ETV5: variants seen among roughly 807,000 people sequenced by gnomAD.
The protein encoded by ETV5 is ETS variant transcription factor 5.
A neutral mutation model predicts 70.0 loss-of-function variants in ETV5; 10 were observed. That is an observed-to-expected ratio of 0.14 (90% CI 0.09 to 0.24). The LOEUF (loss-of-function observed/expected upper bound fraction) is 0.24. Among genes scored for constraint, ETV5 ranks in the 10% least tolerant of loss-of-function variants. ETV5 has a pLI of 1.00. For missense variants in ETV5, 453 were observed against 651.2 expected, an observed-to-expected ratio of 0.70 and a Z score of 3.31; for synonymous variants, 216 against 242.2, an observed-to-expected ratio of 0.89 and a Z score of 1.01.
rs1323672401 is a variant in ETV5, at chr3:186,054,466, A to G, written c.1210-2335T>C. ...AACAAACAACCCTACCCCCCAAAATATTCATTAATGCAGATTCACAGTTAA... is the reference window on the plus strand; with the variant it reads ...AACAAACAACCCTACCCCCCAAAATGTTCATTAATGCAGATTCACAGTTAA... On this transcript the variant is annotated intron_variant, in intron 11 of 12. Transcript: ENST00000306376. This position sits in a 1 kb window ranked among gnomAD's most constrained non-coding sequence, Gnocchi z 4.4. Among the ~76,000 whole-genome samples, 1 of 152,084 alleles carries G rather than the reference A, an allele frequency of 6.6e-6. No homozygotes were observed. Among genetic ancestry groups the G allele is most frequent in the Non-Finnish European group, 1.5e-5 (1 of 68,020 alleles).
chr3:186,056,788 G>C (rs1713172988), intron 11 of ETV5, among the ~76,000 whole-genome samples: 1 of 152,232 alleles, frequency 6.6e-6, no homozygotes. Flanking sequence ...TTCCAAGAGG[G>C]AGAGCATATC....
intron 7 of ETV5, among the ~76,000 whole-genome samples, chr3:186,068,999 T>A (rs918552737): frequency 6.6e-6 from 1 of 152,230 alleles, no homozygotes; most frequent in Non-Finnish European, 1.5e-5. Context: ...AATTCTTGAA[T>A]AGCTTTAATA....
Position 186,081,639 on chromosome 3 carries a change from T to C in ETV5, c.233-464A>G, listed in dbSNP as rs535064611. On this transcript the variant is annotated intron_variant, in intron 5 of 12. Coordinates refer to ENST00000306376, the MANE Select transcript of ETV5 (RefSeq NM_004454.3). ...CAAATATATTTCTTATTCAGATGCA[T>C]ATTTACAAATTAAATATAGAATTTT... Among the ~76,000 whole-genome samples the C allele has an allele frequency of 7.2e-5, 11 of 152,366 alleles. No homozygotes were observed. In the South Asian group the frequency reaches 2.3e-3, roughly 32 times the overall value.
rs771160549 is a variant in ETV5, at chr3:186,105,144, T to C, written c.232+161A>G. 2.0e-5 allele frequency: 11 copies of C among 554,680 alleles called. No individual in the cohort carries two copies. The Admixed American group carries it at 2.2e-4, about 11-fold the overall frequency. The allele number at this position is 554,680 out of a possible 1,614,324, so 34.4% of individuals were successfully genotyped here. A position where few individuals can be genotyped will look rare whatever the true frequency, so the allele number is the denominator to read the frequency against. Reference sequence around the variant, plus strand: ...AAATACTTTAGAAATAATTTTATTATGAAATAAAAGTTTTCAGGGTTAATT... The same window carrying C: ...AAATACTTTAGAAATAATTTTATTACGAAATAAAAGTTTTCAGGGTTAATT... On this transcript the variant is annotated intron_variant, in intron 5 of 12. Coordinates refer to ENST00000306376, the MANE Select transcript of ETV5 (RefSeq NM_004454.3). This position sits in a 1 kb window ranked among gnomAD's most constrained non-coding sequence, Gnocchi z 4.5.
At chr3:186,102,126 AC>A (rs1714474090) in intron 5 of ETV5, among the ~76,000 whole-genome samples, 1 of 152,208 alleles carries the variant, frequency 6.6e-6, no homozygotes, top group African/African-American at 2.4e-5. Flanking sequence ...TAAGAAACTT[AC>A]AAAATATAAT....
chr3:186,090,918 C>T (rs903366053), intron 5 of ETV5, among the ~76,000 whole-genome samples: 5 of 152,164 alleles, frequency 3.3e-5, no homozygotes, highest in South Asian at 4.1e-4. Flanking sequence ...AAAAGGAACA[C>T]GGGGCTGAAG....
rs1334873058 is a variant in ETV5, at chr3:186,048,474, G to A, written c.*165C>T. On this transcript the variant is annotated 3_prime_UTR_variant, in exon 13 of 13. Coordinates refer to ENST00000306376, the MANE Select transcript of ETV5 (RefSeq NM_004454.3). ...TCCCTGTTCCCACTCCCCAGCCAAT[G>A]TATCTGTCTTTAAGGGTGCCAATCC... is the stretch of plus-strand genomic sequence containing the variant. The A allele has an allele frequency of 2.8e-5, 18 of 636,214 alleles. No individual in the cohort carries two copies. The highest frequency in any genetic ancestry group is 4.7e-5 in the Non-Finnish European group (17 of 364,478). 39.4% of individuals were successfully genotyped at this position (636,214 alleles called of 1,614,324 possible).
Position 186,052,475 on chromosome 3 carries a change from G to T in ETV5, c.1210-344C>A, listed in dbSNP as rs1483041078. 6.6e-6 allele frequency among the ~76,000 whole-genome samples: 1 copy of T among 152,170 alleles called. No individual in the cohort carries two copies. Among genetic ancestry groups the T allele is most frequent in the Non-Finnish European group, 1.5e-5 (1 of 68,030 alleles). ...GACCATTAACGTGTTGCCATTAAGT[G>T]CTATGGTTTCTGTAGCAGTCAATAA... On this transcript the variant is annotated intron_variant, in intron 11 of 12. Transcript: ENST00000306376. The surrounding 1 kb of genome is among the most constrained non-coding windows in gnomAD (Gnocchi z 4.5).
intron 9 of ETV5, among the ~76,000 whole-genome samples, chr3:186,061,627 T>C (rs961209203): frequency 6.6e-6 from 1 of 152,142 alleles, no homozygotes; most frequent in Non-Finnish European, 1.5e-5. Context: ...CTAAAAAAAC[T>C]TCCCTATTTC....
At position 186,056,959 on chromosome 3, in the gene ETV5, T is replaced by C. The variant is rs1441113805; in HGVS notation, c.1209+116A>G. 6.5e-6 allele frequency: 8 copies of C among 1,233,256 alleles called. No homozygotes were observed. In the Admixed American group the frequency reaches 1.9e-4, roughly 29 times the overall value. The allele number at this position is 1,233,256 out of a possible 1,614,324, so 76.4% of individuals were successfully genotyped here. ...GCCAAGCCCACTGGCCAGGCCAGAA[T>C]ATGAATGAGAAGCAAGAGCAGACTT... On this transcript the variant is annotated intron_variant, in intron 11 of 12. Transcript: ENST00000306376.
intron 5 of ETV5, among the ~76,000 whole-genome samples, chr3:186,081,975 A>T (rs957995476): frequency 6.6e-6 from 1 of 152,262 alleles, no homozygotes; most frequent in African/African-American, 2.4e-5. Context: ...CTTGGAAGCC[A>T]ACTACATATA....
At chr3:186,051,998 G>C in intron 12 of ETV5, 32 bp downstream of exon 12, 1 of 1,603,132 alleles carries the variant, frequency 6.2e-7, no homozygotes, top group Non-Finnish European at 8.5e-7. Flanking sequence ...AAAGAGACCA[G>C]AGTGGGCTAA....
intron 5 of ETV5, among the ~76,000 whole-genome samples, chr3:186,085,336 G>T (rs928165037): frequency 6.6e-6 from 1 of 151,862 alleles, no homozygotes; most frequent in Non-Finnish European, 1.5e-5. Flanking sequence ...CAGCTCTCAG[G>T]GCTGTATCCT....
intron 1 of ETV5, 195 bp downstream of exon 1, chr3:186,108,745 C>T (rs574401802): frequency 2.1e-6 from 2 of 962,454 alleles, no homozygotes; most frequent in African/African-American, 3.6e-5. Context: ...CGCACCCGCC[C>T]GACGCCTCCC....
chr3:186,077,448 G>T (rs1188369096), intron 7 of ETV5, among the ~76,000 whole-genome samples: 1 of 152,148 alleles, frequency 6.6e-6, no homozygotes, highest in Non-Finnish European at 1.5e-5. Flanking sequence ...GTACTATCCA[G>T]TATCTAGAAG....
intron 1 of ETV5, chr3:186,107,035 A>G (rs1237346159): frequency 1.3e-6 from 1 of 751,716 alleles, no homozygotes; most frequent in Non-Finnish European, 1.6e-6. Context: ...TCCCCCGGTG[A>G]GCAATTCCAT....
chr3:186,106,798 G>A (rs1231532385), intron 1 of ETV5: 1 of 242,596 alleles, frequency 4.1e-6, no homozygotes, highest in African/African-American at 2.3e-5. Context: ...GGGGAAAAAG[G>A]GTGGGGTTAG....
intron 1 of ETV5, among the ~76,000 whole-genome samples, chr3:186,107,761 T>A (rs1714624297): frequency 1.3e-5 from 2 of 151,806 alleles, no homozygotes; most frequent in Admixed American, 1.3e-4. Flanking sequence ...GGGCCCGGTT[T>A]TATGAATGGG....
intron 5 of ETV5, among the ~76,000 whole-genome samples, chr3:186,085,507 G>GTTTT (rs550203729): frequency 1.6e-5 from 2 of 124,872 alleles, no homozygotes; most frequent in African/African-American, 3.0e-5. Flanking sequence ...AGTAGCCTTC[G>GTTTT]TTTTTTTTTT....
Sources: gnomAD v4.1 joint callset for allele counts (sites outside exome capture counted in the v4.1 genomes callset) on GRCh38, gnomAD v4.1.1 for gene constraint, Gnocchi (gnomAD v3.1) non-coding constraint, MANE v1.5 for transcripts, NCBI Gene and HGNC (gene_info 2026-07-23, HGNC 2026-07-21) for gene names.